FAAP20: variants seen among roughly 807,000 people sequenced by gnomAD.
The protein encoded by FAAP20 is FA core complex associated protein 20, also known as Fanconi anemia core complex-associated protein 20.
FAAP20 carries 12 observed loss-of-function variants against 16.2 expected under a neutral mutation model. That is an observed-to-expected ratio of 0.74 (90% CI 0.48 to 1.20). The LOEUF (loss-of-function observed/expected upper bound fraction) is 1.20, where lower values mean the gene tolerates loss of function less well. FAAP20 is among the 50% of genes most tolerant of loss of function. The probability of loss-of-function intolerance (pLI) is 0.00; values close to 1 mark genes in which losing one functional copy is unlikely to be tolerated. For missense variants in FAAP20, 288 were observed against 245.8 expected (o/e 1.17, Z -1.15); for synonymous variants, 141 against 110.7 (o/e 1.27, Z -1.72).
At chr1:2,207,937 T>TGTGTGTGC (rs1557795439), downstream of FAAP20, among the ~76,000 whole-genome samples, 1 of 151,204 alleles carries the variant, frequency 6.6e-6, no homozygotes, top group Admixed American at 6.6e-5. Context: ...TGTGTGTGTG[T>TGTGTGTGC]GTGTGTGTGT....
At chr1:2,201,267 G>A (rs1689037169), upstream of FAAP20, 12 of 1,167,518 alleles carry the variant, frequency 1.0e-5, no homozygotes, top group Non-Finnish European at 1.3e-5. Flanking sequence ...TGGGCCCTGC[G>A]CATCCTCCAG....
chr1:2,192,020 C>T lies in FAAP20; in HGVS notation c.470+1619G>A, dbSNP rs1688286272. 3.0e-6 allele frequency: 3 copies of T among 985,570 alleles called. No homozygotes were observed. The South Asian group carries it at 1.4e-4, about 46-fold the overall frequency. The allele number at this position is 985,570 out of a possible 1,614,324, so 61.1% of individuals were successfully genotyped here. On this transcript the variant is annotated intron_variant, in intron 3 of 3. Transcript: ENST00000378546. ...CAAGGCTGTGAGAAATGGGAGGCCTCCTGGCAGCTCCACTCCCCAGACCCG... is the reference window on the plus strand; with the variant it reads ...CAAGGCTGTGAGAAATGGGAGGCCTTCTGGCAGCTCCACTCCCCAGACCCG...
At chr1:2,211,179 C>T (rs565227547), downstream of FAAP20, among the ~76,000 whole-genome samples, 309 of 151,760 alleles carry the variant, frequency 2.0e-3, no homozygotes, top group African/African-American at 6.5e-3. Context: ...CGCCATGCCA[C>T]TGCCTCTCTT....
At chr1:2,200,511 G>C, upstream of FAAP20, 1 of 514,304 alleles carries the variant, frequency 1.9e-6, no homozygotes, top group Non-Finnish European at 2.5e-6. Flanking sequence ...GGGGCTGGAA[G>C]GGGCAGGCAG....
chr1:2,208,329 T>G (rs768403588), downstream of FAAP20, among the ~76,000 whole-genome samples: 1 of 152,090 alleles, frequency 6.6e-6, no homozygotes, highest in Non-Finnish European at 1.5e-5. Context: ...GTCTCTTTTC[T>G]TCCTCTCAAC....
At chr1:2,199,130 G>A (rs1340798424), upstream of FAAP20, 16 of 1,184,524 alleles carry the variant, frequency 1.4e-5, no homozygotes, top group Admixed American at 2.6e-4. This position sits in a 1 kb window ranked among gnomAD's most constrained non-coding sequence, Gnocchi z 4.5. Flanking sequence ...GCCCTGGCCC[G>A]GGAGAGACAG....
rs759199804 is a variant in FAAP20, at chr1:2,193,692, C to T, written c.417G>A (p.Glu139=). Residue 139 remains glutamate, a synonymous_variant, in exon 3 of 4, where the codon GAG becomes GAA. Coordinates refer to ENST00000378546, the MANE Select transcript of FAAP20 (RefSeq NM_182533.4). Reference sequence around the variant, plus strand: ...GGCAGCTGCGCAGGGCCGCGGCACCCTCCACAGACGGCTGCTGCTCCACCC... The same window carrying T: ...GGCAGCTGCGCAGGGCCGCGGCACCTTCCACAGACGGCTGCTGCTCCACCC... ...APRVEQQPSV[E]GAAALRSCPM... 4 of 1,598,024 alleles carry T rather than the reference C, an allele frequency of 2.5e-6. No individual in the cohort carries two copies. The highest frequency in any genetic ancestry group is 3.4e-6 in the Non-Finnish European group (4 of 1,175,040).
downstream of FAAP20, chr1:2,187,285 CTTT>C (rs70954587): frequency 9.2e-6 from 3 of 327,686 alleles, no homozygotes; most frequent in South Asian, 7.3e-5. Flanking sequence ...AAGCCATTTT[CTTT>C]TTTTTTTTCT....
At chr1:2,185,967 G>C (rs963746741), downstream of FAAP20, 7 of 346,550 alleles carry the variant, frequency 2.0e-5, no homozygotes, top group Non-Finnish European at 4.0e-5. Context: ...CGGACCTCCT[G>C]CTCCCGGGAA....
chr1:2,184,513 G>T (rs1047449400), downstream of FAAP20: 12 of 1,150,230 alleles, frequency 1.0e-5, no homozygotes, highest in Admixed American at 4.2e-5. Flanking sequence ...ATTGAAGTGC[G>T]TGCAAAACAC....
At chr1:2,186,572 G>T (rs1687630575), downstream of FAAP20, among the ~76,000 whole-genome samples, 1 of 141,718 alleles carries the variant, frequency 7.1e-6, no homozygotes, top group East Asian at 2.0e-4. Flanking sequence ...CTTAGCTGTT[G>T]AGACTCAACT....
chr1:2,203,350 G>T, upstream of FAAP20: 1 of 915,400 alleles, frequency 1.1e-6, no homozygotes, highest in Non-Finnish European at 1.3e-6. Context: ...CAGGCTCTCT[G>T]GACACCCCTC....
downstream of FAAP20, among the ~76,000 whole-genome samples, chr1:2,211,286 G>C (rs1453559412): frequency 1.5e-5 from 2 of 129,602 alleles, no homozygotes; most frequent in Non-Finnish European, 3.1e-5. Flanking sequence ...TTGGAGTGCA[G>C]TCGCGCGATC....
At chr1:2,199,381 G>T (rs573677082), upstream of FAAP20, 1 of 1,023,210 alleles carries the variant, frequency 9.8e-7, no homozygotes, top group East Asian at 1.1e-4. This position sits in a 1 kb window ranked among gnomAD's most constrained non-coding sequence, Gnocchi z 4.5. Flanking sequence ...CCCCCCGCCC[G>T]GAGAAGCTTC....
intron 3 of FAAP20, chr1:2,191,156 C>G (rs1447199887): frequency 6.6e-6 from 1 of 152,416 alleles, no homozygotes; most frequent in African/African-American, 2.4e-5. Context: ...GTGCTAAGAT[C>G]TGAACCGAGG....
At chr1:2,193,099 A>G (rs1688429291) in intron 3 of FAAP20, 1 of 1,031,648 alleles carries the variant, frequency 9.7e-7, no homozygotes, top group South Asian at 1.5e-5. Flanking sequence ...CAGCCCCAGG[A>G]CCTGCTCCGG....
intron 3 of FAAP20, 32 bp from the exon 4 acceptor site, chr1:2,189,813 C>T: frequency 6.4e-7 from 1 of 1,551,652 alleles, no homozygotes; most frequent in Non-Finnish European, 8.9e-7. Context: ...CACTCGGCCA[C>T]CTCCGCGGCA....
upstream of FAAP20, chr1:2,201,056 C>G (rs1476240794): frequency 1.6e-6 from 2 of 1,289,052 alleles, no homozygotes; most frequent in Admixed American, 2.3e-5. Context: ...TCACCTGTGG[C>G]GCACAGGTTT....
chr1:2,209,325 C>T (rs957197523), downstream of FAAP20, among the ~76,000 whole-genome samples: 2 of 152,236 alleles, frequency 1.3e-5, no homozygotes, highest in African/African-American at 2.4e-5. Context: ...CAGCACCTCT[C>T]GACTTACCCT....
Sources: allele counts gnomAD v4.1 joint callset (sites outside exome capture counted in the v4.1 genomes callset), GRCh38; gene constraint gnomAD v4.1.1; non-coding constraint Gnocchi (gnomAD v3.1); transcripts MANE v1.5; gene names NCBI Gene and HGNC (gene_info 2026-07-23, HGNC 2026-07-21).